PNPLA8: variants seen among roughly 807,000 people sequenced by gnomAD.
PNPLA8 encodes the protein patatin like domain 8, phospholipase A2.
Under a neutral mutation model 76.9 loss-of-function variants are expected in PNPLA8, and 39 were observed. The ratio of observed to expected loss-of-function variants is 0.51; its 90% confidence interval spans 0.39 to 0.66. PNPLA8 has a LOEUF of 0.66. PNPLA8 is among the 30% of genes least tolerant of loss of function. The probability of loss-of-function intolerance (pLI) is 0.00; values close to 1 mark genes in which losing one functional copy is unlikely to be tolerated. For synonymous variants in PNPLA8, 301 were observed against 307.9 expected (o/e 0.98, Z 0.24); for missense variants, 887 against 918.0 (o/e 0.97, Z 0.44).
At chr7:108,520,940 T>A (rs1300925846) in intron 2 of PNPLA8, among the ~76,000 whole-genome samples, 1 of 152,032 alleles carries the variant, frequency 6.6e-6, no homozygotes, top group African/African-American at 2.4e-5. Flanking sequence ...AAAGCCATGC[T>A]CAAAGTCAAC....
intron 10 of PNPLA8, among the ~76,000 whole-genome samples, chr7:108,478,238 TAG>T (rs899842442): frequency 1.3e-5 from 2 of 151,946 alleles, no homozygotes; most frequent in South Asian, 2.1e-4. Context: ...AATAGCCTTA[TAG>T]AGAGAGAGTA....
At chr7:108,501,918 G>A (rs1451488722) in intron 5 of PNPLA8, among the ~76,000 whole-genome samples, 1 of 151,772 alleles carries the variant, frequency 6.6e-6, no homozygotes, top group Non-Finnish European at 1.5e-5. Flanking sequence ...CTACCAAAAA[G>A]GTCTAAAAAG....
At chr7:108,526,149 G>C (rs1405308127), upstream of PNPLA8, 3 of 931,566 alleles carry the variant, frequency 3.2e-6, no homozygotes, top group Non-Finnish European at 3.8e-6. Flanking sequence ...GCAGCAGCTA[G>C]GTCGCCACCC....
intron 2 of PNPLA8, 46 bp from the exon 3 acceptor site, chr7:108,515,620 A>T: frequency 8.6e-7 from 1 of 1,163,308 alleles, no homozygotes; most frequent in Non-Finnish European, 1.1e-6. Context: ...AAAAATTGAA[A>T]TTGGGTATAA....
At chr7:108,498,100 T>C (rs544363210) in intron 5 of PNPLA8, among the ~76,000 whole-genome samples, 17 of 130,562 alleles carry the variant, frequency 1.3e-4, no homozygotes, top group African/African-American at 4.6e-4. Flanking sequence ...TACAAAGATA[T>C]GCCAATATAA....
chr7:108,482,687 T>G (rs1053751139), intron 9 of PNPLA8, among the ~76,000 whole-genome samples: 1 of 152,208 alleles, frequency 6.6e-6, no homozygotes, highest in Non-Finnish European at 1.5e-5. Context: ...CTTCTTTTAT[T>G]TCTTTCATCT....
chr7:108,503,863 G>GA (rs1190855450), intron 4 of PNPLA8, among the ~76,000 whole-genome samples: 3 of 152,066 alleles, frequency 2.0e-5, no homozygotes, highest in African/African-American at 7.2e-5. Context: ...GGTTTGGAGT[G>GA]AAAAAAATGG....
intron 4 of PNPLA8, among the ~76,000 whole-genome samples, chr7:108,512,705 T>C (rs776378595): frequency 6.6e-6 from 1 of 152,178 alleles, no homozygotes; most frequent in African/African-American, 2.4e-5. Flanking sequence ...ATGCAATTTG[T>C]CCAGTTCACT....
At chr7:108,503,979 A>C (rs1862148252) in intron 4 of PNPLA8, among the ~76,000 whole-genome samples, 1 of 152,192 alleles carries the variant, frequency 6.6e-6, no homozygotes, top group African/African-American at 2.4e-5. Context: ...AGACCTCTGA[A>C]AATCAGAGTG....
chr7:108,481,293 T>C (rs1303701434), intron 9 of PNPLA8, among the ~76,000 whole-genome samples: 1 of 152,250 alleles, frequency 6.6e-6, no homozygotes, highest in Non-Finnish European at 1.5e-5. Context: ...CAAAACATTT[T>C]CAAAGTGGTT....
rs182951272 is a variant in PNPLA8, at chr7:108,482,623, A to T, written c.1879-3244T>A. ...ATGGATCACTTCAGGAATAACTCACATCTTTACCATGTAGCATCTTTCAAT... is the reference window on the plus strand; with the variant it reads ...ATGGATCACTTCAGGAATAACTCACTTCTTTACCATGTAGCATCTTTCAAT... On this transcript the variant is annotated intron_variant, in intron 9 of 10. Transcript: ENST00000257694. Among the ~76,000 whole-genome samples the T allele has an allele frequency of 1.6e-3, 239 of 152,340 alleles. 1 individual carries two copies. The highest frequency in any genetic ancestry group is 5.4e-3 in the African/African-American group (223 of 41,582).
intron 9 of PNPLA8, among the ~76,000 whole-genome samples, chr7:108,481,903 G>C (rs887926941): frequency 2.0e-5 from 3 of 152,112 alleles, no homozygotes; most frequent in African/African-American, 7.2e-5. Context: ...GGGGGTCTAG[G>C]AGAAAAGACA....
intron 4 of PNPLA8, among the ~76,000 whole-genome samples, chr7:108,512,731 A>G (rs575385155): frequency 1.3e-5 from 2 of 152,282 alleles, no homozygotes; most frequent in East Asian, 3.9e-4. Flanking sequence ...TCAGATGATT[A>G]TTTAAGGGAA....
Position 108,472,369 on chromosome 7 carries a change from C to A in PNPLA8, c.*32G>T. The A allele has an allele frequency of 6.9e-7, 1 of 1,447,702 alleles. No homozygotes were observed. The highest frequency in any genetic ancestry group is 9.3e-7 in the Non-Finnish European group (1 of 1,071,232). The allele number at this position is 1,447,702 out of a possible 1,614,324, so 89.7% of individuals were successfully genotyped here. ...GAATGTGGTTGATCTTCTAAACAGACCTTCATTTATGAGAACATAAGCATA... is the reference window on the plus strand; with the variant it reads ...GAATGTGGTTGATCTTCTAAACAGAACTTCATTTATGAGAACATAAGCATA... On this transcript the variant is annotated 3_prime_UTR_variant, in exon 11 of 11. Coordinates refer to ENST00000257694, the MANE Select transcript of PNPLA8 (RefSeq NM_001256007.3).
In PNPLA8 at chr7:108,514,920, T is replaced by TG. The variant is rs1284463797; in HGVS notation, c.571dup (p.His191ProfsTer22). 3.7e-6 allele frequency: 6 copies of TG among 1,608,316 alleles called. No homozygotes were observed. The highest frequency in any genetic ancestry group is 3.4e-6 in the Non-Finnish European group (4 of 1,178,276). ...TTTTGTGGTTATAGAACTTGTGTAATGAAAAAGACTGCGTTTACCTATATC... is the reference window on the plus strand; with the variant it reads ...TTTTGTGGTTATAGAACTTGTGTAATGGAAAAAGACTGCGTTTACCTATATC... On this transcript the variant is annotated frameshift_variant, in exon 3 of 11. Transcript: ENST00000257694. LOFTEE classifies it high-confidence loss of function.
intron 9 of PNPLA8, among the ~76,000 whole-genome samples, chr7:108,480,258 T>C: frequency 6.6e-6 from 1 of 151,968 alleles, no homozygotes; most frequent in East Asian, 1.9e-4. Context: ...GTCCCAGCTA[T>C]TCAGGAGGCT....
chr7:108,490,775 C>T (rs13225054), intron 8 of PNPLA8, among the ~76,000 whole-genome samples: 1 of 148,594 alleles, frequency 6.7e-6, no homozygotes, highest in Non-Finnish European at 1.5e-5. Context: ...CAGAGCAAGA[C>T]TCCGTCTCAA....
intron 8 of PNPLA8, among the ~76,000 whole-genome samples, chr7:108,490,738 T>C (rs13239449): frequency 2.7e-5 from 4 of 150,782 alleles, no homozygotes; most frequent in Middle Eastern, 3.5e-3. Context: ...GAGCCGAGAT[T>C]GTGCCACTGC....
chr7:108,513,950 T>C (rs573172189), intron 4 of PNPLA8, among the ~76,000 whole-genome samples, 194 bp downstream of exon 4: 155 of 152,276 alleles, frequency 1.0e-3, no homozygotes, highest in African/African-American at 3.5e-3. Context: ...ATATTGGTGC[T>C]AACAAAATAA....
Sources: gnomAD v4.1 joint callset for allele counts (sites outside exome capture counted in the v4.1 genomes callset) on GRCh38, gnomAD v4.1.1 for gene constraint, MANE v1.5 for transcripts, NCBI Gene and HGNC (gene_info 2026-07-23, HGNC 2026-07-21) for gene names.